MYBPC3: variants seen among roughly 807,000 people sequenced by gnomAD.
MYBPC3 encodes the protein myosin-binding protein C, cardiac-type.
Under a neutral mutation model 159.3 loss-of-function variants are expected in MYBPC3, and 108 were observed. The observed-to-expected ratio is 0.68, with a 90% CI of 0.58 to 0.80. The LOEUF (loss-of-function observed/expected upper bound fraction) is 0.80. MYBPC3 is among the 30% of genes least tolerant of loss of function. The pLI is 0.00. For synonymous variants in MYBPC3, 730 were observed against 702.0 expected, an observed-to-expected ratio of 1.04 and a Z score of -0.63; for missense variants, 1,631 against 1,762.1, an observed-to-expected ratio of 0.93 and a Z score of 1.33.
Position 47,341,140 on chromosome 11 carries a change from A to G in MYBPC3, c.1895T>C (p.Met632Thr). The G allele has an allele frequency of 6.6e-7, 1 of 1,512,928 alleles. No homozygotes were observed. The highest frequency in any genetic ancestry group is 9.0e-7 in the Non-Finnish European group (1 of 1,117,196). 93.7% of individuals were successfully genotyped at this position (1,512,928 alleles called of 1,614,324 possible). Residue 632 changes from methionine to threonine, a missense_variant and splice_region_variant, in exon 19 of 35, where the codon ATG becomes ACG. Transcript: ENST00000545968. ...ACCCTACCCTGGAGCAGGCTCACCCATGAAGTGGAGCTTGGCTGACAGGTT... is the reference window on the plus strand; with the variant it reads ...ACCCTACCCTGGAGCAGGCTCACCCGTGAAGTGGAGCTTGGCTGACAGGTT... ...ACNLSAKLHF[M>T]EVKIDFVPRQ... is the part of the protein sequence containing the mutation.
rs771478816 is a variant in MYBPC3, at chr11:47,332,323, A to C, written c.3628-65T>G. The stretch of plus-strand genomic sequence containing the variant: ...CTGAGAGGGGACCTGGCAGGGACCC[A>C]GGGAGACACATCTGTGTTTCTACTC... On this transcript the variant is annotated intron_variant, in intron 32 of 34. Coordinates refer to ENST00000545968, the MANE Select transcript of MYBPC3 (RefSeq NM_000256.3). The surrounding 1 kb of genome is among the most constrained non-coding windows in gnomAD (Gnocchi z 4.2). 34 of 1,554,488 alleles carry C rather than the reference A, an allele frequency of 2.2e-5. No homozygotes were observed. The highest frequency in any genetic ancestry group is 3.0e-5 in the Non-Finnish European group (34 of 1,127,734).
In MYBPC3 at chr11:47,350,512, T is replaced by C; in HGVS notation, c.396A>G (p.Pro132=). The C allele has an allele frequency of 6.4e-7, 1 of 1,558,296 alleles. No homozygotes were observed. The highest frequency in any genetic ancestry group is 1.2e-5 in the South Asian group (1 of 83,844). Residue 132 remains proline (P), a synonymous_variant, in exon 3 of 35, where the codon CCA becomes CCG. Transcript: ENST00000545968. Reference sequence around the variant, plus strand: ...CCCAGCCCCTCTCACCTTTGGGACTTGGGGCACTTTCTCCCAGCTCAGCGG... The same window carrying C: ...CCCAGCCCCTCTCACCTTTGGGACTCGGGGCACTTTCTCCCAGCTCAGCGG... ...APAAELGESA[P]SPKGSSSAAL...
chr11:47,350,417 C>T (rs2142868581), intron 3 of MYBPC3, 85 bp downstream of exon 3: 1 of 1,520,424 alleles, frequency 6.6e-7, no homozygotes, highest in South Asian at 1.3e-5. Context: ...TGAGCCACCG[C>T]ACCTGGCCCA....
In MYBPC3 at chr11:47,350,631, T is replaced by C. The variant is rs2095899817; in HGVS notation, c.293-16A>G. ...TCTGCCTTCTCTGGAGGGGATCAGATGGGAGTCGTGGTGCAGCCACTAACC... is the reference window on the plus strand; with the variant it reads ...TCTGCCTTCTCTGGAGGGGATCAGACGGGAGTCGTGGTGCAGCCACTAACC... On this transcript the variant is annotated splice_polypyrimidine_tract_variant and intron_variant, in intron 2 of 34. Transcript: ENST00000545968. 2 of 1,462,460 alleles carry C rather than the reference T, an allele frequency of 1.4e-6. No homozygotes were observed. The highest frequency in any genetic ancestry group is 2.9e-5 in the South Asian group (2 of 69,480). The allele number at this position is 1,462,460 out of a possible 1,614,324, so 90.6% of individuals were successfully genotyped here. A position where few individuals can be genotyped will look rare whatever the true frequency, so the allele number is the denominator to read the frequency against.
In MYBPC3 at chr11:47,340,579, G is replaced by A. The variant is rs906944826; in HGVS notation, c.1927+424C>T. ...CTACTCAGGAGGCTGAGGCAGGAGA[G>A]TGGTGTGAACCTGGGAGGCGGAGCT... On this transcript the variant is annotated intron_variant, in intron 20 of 34. Transcript: ENST00000545968. 3.3e-5 allele frequency among the ~76,000 whole-genome samples: 5 copies of A among 152,178 alleles called. No homozygotes were observed. The highest frequency in any genetic ancestry group is 7.3e-5 in the Non-Finnish European group (5 of 68,030).
chr11:47,351,497 A>G lies in MYBPC3; in HGVS notation c.34T>C (p.Phe12Leu). Residue 12 changes from phenylalanine to leucine, a missense_variant, in exon 2 of 35, where the codon TTT becomes CTT. By Grantham distance (22) the Phe-to-Leu change is conservative. Coordinates refer to ENST00000545968, the MANE Select transcript of MYBPC3 (RefSeq NM_000256.3). This position sits in a 1 kb window ranked among gnomAD's most constrained non-coding sequence, Gnocchi z 4.2. ...PEPGKKPVSA[F>L]SKKPRSVEVA... ...TCCACTGACCGTGGCTTCTTGCTAAAAGCTGAGACTGAAGGGCCAGGTGGA... is the reference window on the plus strand; with the variant it reads ...TCCACTGACCGTGGCTTCTTGCTAAGAGCTGAGACTGAAGGGCCAGGTGGA... 2 of 1,586,782 alleles carry G rather than the reference A, an allele frequency of 1.3e-6. No homozygotes were observed. Among genetic ancestry groups the G allele is most frequent in the Non-Finnish European group, 1.7e-6 (2 of 1,161,260 alleles).
rs370962887 is a variant in MYBPC3 at position 47,349,870 on chromosome 11, C to A, written c.558G>T (p.Pro186=). The A allele has an allele frequency of 3.4e-4, 547 of 1,612,292 alleles. 5 individuals are homozygous for A. The South Asian group carries it at 5.8e-3, about 17-fold the overall frequency. ...TGCCCTTGAACCACTTGACCACAGG[C>A]GGCTTCAGGAGGCTGGCGCCGGCCA... The part of the protein sequence containing the change: ...ARVAGASLLK[P]PVVKWFKGKW... The change falls in exon 5 of 35, where the codon CCG becomes CCT. Residue 186 remains proline, a synonymous_variant. Transcript: ENST00000545968.
intron 20 of MYBPC3, among the ~76,000 whole-genome samples, chr11:47,340,201 A>T (rs2095887013): frequency 6.6e-6 from 1 of 151,378 alleles, no homozygotes; most frequent in Non-Finnish European, 1.5e-5. Context: ...ACACATGCAC[A>T]CAGACACAAA....
In MYBPC3 at chr11:47,338,639, G is replaced by A. The variant is rs773757669; in HGVS notation, c.2189C>T (p.Thr730Ile). The A allele has an allele frequency of 1.9e-6, 3 of 1,613,926 alleles. No individual in the cohort carries two copies. The highest frequency in any genetic ancestry group is 2.7e-5 in the African/African-American group (2 of 75,040). ...GACCGTGAAGATGCTGCGGTCCTTGGTGGTCTCCACGCGGACCCGGCCCTC... is the reference window on the plus strand; with the variant it reads ...GACCGTGAAGATGCTGCGGTCCTTGATGGTCTCCACGCGGACCCGGCCCTC... ...ETEGRVRVET[T>I]KDRSIFTVEG... Residue 730 changes from threonine to isoleucine, a missense_variant, in exon 23 of 35, where the codon ACC becomes ATC. Physicochemically the swap from Thr to Ile is moderately conservative, Grantham distance 89 (BLOSUM62 -1). Coordinates refer to ENST00000545968, the MANE Select transcript of MYBPC3 (RefSeq NM_000256.3). The surrounding 1 kb of genome is among the most constrained non-coding windows in gnomAD (Gnocchi z 4.7).
chr11:47,333,774 C>T (rs2095879757), intron 28 of MYBPC3, 22 bp from the exon 29 acceptor site: 2 of 1,579,120 alleles, frequency 1.3e-6, no homozygotes, highest in African/African-American at 2.7e-5. Flanking sequence ...AAAAGCTTAA[C>T]CCTGAACCTG....
chr11:47,339,236 C>A lies in MYBPC3; in HGVS notation c.2148+88G>T, dbSNP rs1377881631. 6 of 1,439,230 alleles carry A rather than the reference C, an allele frequency of 4.2e-6. No homozygotes were observed. In the Admixed American group the frequency reaches 1.0e-4, roughly 24 times the overall value. The allele number at this position is 1,439,230 out of a possible 1,614,324, so 89.2% of individuals were successfully genotyped here. ...CACACCCGGCCAAGTGTGGCACCTC[C>A]ATGGAGACCTCGCCAAGGGCTCGGC... is the stretch of plus-strand genomic sequence containing the variant. On this transcript the variant is annotated intron_variant, in intron 22 of 34. Transcript: ENST00000545968.
intron 6 of MYBPC3, 53 bp downstream of exon 6, chr11:47,348,371 G>A (rs1422768651): frequency 7.4e-7 from 1 of 1,343,052 alleles, no homozygotes; most frequent in African/African-American, 1.4e-5. Context: ...GGAGGTAGGA[G>A]ACCAGGACCC....
At chr11:47,349,559 G>A (rs2095898133) in intron 5 of MYBPC3, among the ~76,000 whole-genome samples, 1 of 149,128 alleles carries the variant, frequency 6.7e-6, no homozygotes, top group African/African-American at 2.5e-5. Flanking sequence ...GTCCCCGACA[G>A]TGCTCCCATG....
chr11:47,349,851 T>C lies in MYBPC3; in HGVS notation c.577A>G (p.Lys193Glu). Reference sequence around the variant, plus strand: ...CTGCTCAGGTCCACCCATTTGCCCTTGAACCACTTGACCACAGGCGGCTTC... The same window carrying C: ...CTGCTCAGGTCCACCCATTTGCCCTCGAACCACTTGACCACAGGCGGCTTC... Reference protein sequence around the residue: ...LLKPPVVKWFKGKWVDLSSKV... With the variant: ...LLKPPVVKWFEGKWVDLSSKV... The change falls in exon 5 of 35, where the codon AAG becomes GAG. Residue 193 changes from lysine to glutamate, a missense_variant. Transcript: ENST00000545968. 6.2e-7 allele frequency: 1 copy of C among 1,612,676 alleles called. No homozygotes were observed. The highest frequency in any genetic ancestry group is 8.5e-7 in the Non-Finnish European group (1 of 1,179,640).
At chr11:47,347,743 A>G in intron 7 of MYBPC3, 63 bp from the exon 8 acceptor site, 1 of 1,549,450 alleles carries the variant, frequency 6.5e-7, no homozygotes, top group Non-Finnish European at 8.7e-7. Flanking sequence ...TGCAGCCCCC[A>G]CTGACTTCAG....
intron 12 of MYBPC3, 28 bp from the exon 13 acceptor site, chr11:47,343,652 C>T (rs1415378605): frequency 1.9e-6 from 3 of 1,571,878 alleles, no homozygotes; most frequent in East Asian, 4.5e-5. Flanking sequence ...GCCCCGGCCA[C>T]CCCACCGCCC....
intron 12 of MYBPC3, among the ~76,000 whole-genome samples, chr11:47,345,430 G>A (rs557841804): frequency 5.3e-5 from 8 of 152,240 alleles, no homozygotes; most frequent in South Asian, 2.1e-4. Context: ...TCCTCTCCCC[G>A]TCCCCATGAT....
chr11:47,336,598 C>T (rs747624256), intron 25 of MYBPC3, among the ~76,000 whole-genome samples: 1 of 151,866 alleles, frequency 6.6e-6, no homozygotes, highest in African/African-American at 2.4e-5. Flanking sequence ...AACCAGGAAT[C>T]AGTCCCTAAA....
At chr11:47,349,393 T>C (rs1253482637) in intron 5 of MYBPC3, among the ~76,000 whole-genome samples, 3 of 152,130 alleles carry the variant, frequency 2.0e-5, no homozygotes, top group African/African-American at 7.2e-5. Flanking sequence ...TTAGCCCTGA[T>C]ACTCACCCAT....
Sources: gnomAD v4.1 joint callset for allele counts (sites outside exome capture counted in the v4.1 genomes callset) on GRCh38, gnomAD v4.1.1 for gene constraint, Gnocchi (gnomAD v3.1) non-coding constraint, MANE v1.5 for transcripts, NCBI Gene and HGNC (gene_info 2026-07-23, HGNC 2026-07-21) for gene names.